The following GRID2 variants were observed in gnomAD, a reference collection of about 807,000 sequenced individuals.
The protein encoded by GRID2 is glutamate receptor ionotropic, delta-2.
A neutral mutation model predicts 114.8 loss-of-function variants in GRID2; 33 were observed. That is an observed-to-expected ratio of 0.29 (90% CI 0.22 to 0.38). The LOEUF is 0.38. GRID2 is among the 10% of genes least tolerant of loss of function. GRID2 has a pLI of 1.00. For synonymous variants in GRID2, 505 were observed against 449.9 expected, an observed-to-expected ratio of 1.12 and a Z score of -1.55; for missense variants, 1,184 against 1,257.7, an observed-to-expected ratio of 0.94 and a Z score of 0.89.
intron 2 of GRID2, among the ~76,000 whole-genome samples, chr4:92,636,018 A>T (rs1731047354): frequency 6.6e-6 from 1 of 152,062 alleles, no homozygotes; most frequent in South Asian, 2.1e-4. Flanking sequence ...ATAAATCATA[A>T]ATTGGACAGG....
chr4:93,163,610 AAAG>A lies in GRID2; in HGVS notation c.736-43792_736-43790del, dbSNP rs562665667. Among the ~76,000 whole-genome samples, 354 of 151,114 alleles carry A rather than the reference AAAG, an allele frequency of 2.3e-3. 1 individual carries two copies. Among genetic ancestry groups the A allele is most frequent in the African/African-American group, 8.1e-3 (334 of 41,264 alleles). On this transcript the variant is annotated intron_variant, in intron 4 of 15. Transcript: ENST00000282020. Reference sequence around the variant, plus strand: ...GAAAAAAATTTAGCAGAATTTAAAAAAAGAGAAGTAGTTCAAAATAGACATTTC... The same window carrying A: ...GAAAAAAATTTAGCAGAATTTAAAAAAGAAGTAGTTCAAAATAGACATTTC...
intron 2 of GRID2, among the ~76,000 whole-genome samples, chr4:92,600,089 T>TATAG (rs1729154849): frequency 7.4e-6 from 1 of 134,758 alleles, no homozygotes; most frequent in Non-Finnish European, 1.6e-5. Context: ...TATATATATA[T>TATAG]TTCTCAGAAT....
intron 2 of GRID2, among the ~76,000 whole-genome samples, chr4:93,082,129 C>G (rs533749768): frequency 1.2e-4 from 18 of 152,270 alleles, no homozygotes; most frequent in African/African-American, 4.3e-4. Flanking sequence ...GAGGCCCGTT[C>G]TTATATGTGC....
intron 1 of GRID2, among the ~76,000 whole-genome samples, chr4:92,452,317 A>C (rs1046679323): frequency 4.6e-5 from 7 of 151,414 alleles, no homozygotes; most frequent in African/African-American, 1.7e-4. Flanking sequence ...AAATCTGTTT[A>C]GATTTTTTTT....
intron 1 of GRID2, among the ~76,000 whole-genome samples, chr4:92,498,951 T>G (rs1029230366): frequency 2.0e-5 from 3 of 147,020 alleles, no homozygotes; most frequent in Non-Finnish European, 4.5e-5. Flanking sequence ...AAAAACAAGT[T>G]AGAAGAACTG....
At chr4:92,420,507 T>C (rs1280674610) in intron 1 of GRID2, among the ~76,000 whole-genome samples, 2 of 152,132 alleles carry the variant, frequency 1.3e-5, no homozygotes, top group African/African-American at 4.8e-5. Context: ...ATAAGACAAA[T>C]CATATTTTTG....
chr4:93,031,981 A>G (rs746555624), intron 2 of GRID2, among the ~76,000 whole-genome samples: 52 of 152,150 alleles, frequency 3.4e-4, no homozygotes, highest in Admixed American at 2.6e-4. Flanking sequence ...AAGCATTATA[A>G]ACAGACTAAC....
At chr4:92,995,046 A>T (rs1755116455) in intron 2 of GRID2, among the ~76,000 whole-genome samples, 1 of 152,182 alleles carries the variant, frequency 6.6e-6, no homozygotes, top group Non-Finnish European at 1.5e-5. Flanking sequence ...TCCTTGGAGG[A>T]ATAAAAGGTT....
Position 92,610,885 on chromosome 4 carries a change from A to T in GRID2, c.244+20599A>T, listed in dbSNP as rs905245375. The stretch of plus-strand genomic sequence containing the variant: ...TATCTATGTTGTAGCAAGTGACAAG[A>T]TTTTTTTCTTTTAATGATGAATAGT... On this transcript the variant is annotated intron_variant, in intron 2 of 15. Transcript: ENST00000282020. 2.0e-5 allele frequency among the ~76,000 whole-genome samples: 3 copies of T among 151,582 alleles called. No individual in the cohort carries two copies. In the East Asian group the frequency reaches 5.8e-4, roughly 29 times the overall value.
chr4:92,704,937 A>T (rs749554411), intron 2 of GRID2, among the ~76,000 whole-genome samples: 4 of 152,128 alleles, frequency 2.6e-5, no homozygotes, highest in Non-Finnish European at 5.9e-5. Context: ...CTATATCTTA[A>T]TTATTCTATA....
At chr4:93,407,795 C>T (rs1201018886) in intron 9 of GRID2, among the ~76,000 whole-genome samples, 39 of 120,998 alleles carry the variant, frequency 3.2e-4, no homozygotes, top group African/African-American at 1.4e-3. Flanking sequence ...TCGTCCTCCT[C>T]CTCGTCCTCC....
chr4:92,309,326 C>T (rs959551155), intron 1 of GRID2, among the ~76,000 whole-genome samples: 2 of 151,998 alleles, frequency 1.3e-5, no homozygotes, highest in East Asian at 3.9e-4. Context: ...CCTACACCTA[C>T]GTATATGACT....
At chr4:93,706,077 C>T (rs553201620) in intron 14 of GRID2, among the ~76,000 whole-genome samples, 3 of 152,296 alleles carry the variant, frequency 2.0e-5, no homozygotes, top group African/African-American at 7.2e-5. Flanking sequence ...GTTTTGATCA[C>T]TATAGCTCTG....
rs1449282942 is a variant in GRID2 at position 92,510,858 on chromosome 4, T to TGA, written c.89-79273_89-79272insGA. On this transcript the variant is annotated intron_variant, in intron 1 of 15. Coordinates refer to ENST00000282020, the MANE Select transcript of GRID2 (RefSeq NM_001510.4). ...ATATGTACAATTACAATGTGTCAAT[T>TGA]AAAAAAAAAAAAACAGTGGCAATAA... 4.1e-3 allele frequency among the ~76,000 whole-genome samples: 593 copies of TGA among 144,078 alleles called. 4 individuals carry two copies. Among genetic ancestry groups the TGA allele is most frequent in the South Asian group, 0.03 (139 of 4,590 alleles). 94.5% of individuals were successfully genotyped at this position (144,078 alleles called of 152,430 possible). A position where few individuals can be genotyped will look rare whatever the true frequency, so the allele number is the denominator to read the frequency against.
chr4:93,723,122 T>G (rs1578660395), intron 14 of GRID2, among the ~76,000 whole-genome samples: 1 of 152,210 alleles, frequency 6.6e-6, no homozygotes, highest in Non-Finnish European at 1.5e-5. Flanking sequence ...CATCCTCCAC[T>G]TAGCCCCTAC....
At chr4:93,420,387 C>A (rs967417641) in intron 9 of GRID2, among the ~76,000 whole-genome samples, 9 of 152,164 alleles carry the variant, frequency 5.9e-5, no homozygotes, top group African/African-American at 1.9e-4. Flanking sequence ...AAGGCGTAAT[C>A]ATTGGCTAGC....
intron 2 of GRID2, among the ~76,000 whole-genome samples, chr4:92,940,758 T>C (rs1560724124): frequency 1.3e-5 from 2 of 152,158 alleles, no homozygotes; most frequent in African/African-American, 4.8e-5. Context: ...ACCTAATTTA[T>C]TGAGAGTTTT....
At chr4:93,402,832 A>G (rs2149340885) in intron 9 of GRID2, among the ~76,000 whole-genome samples, 1 of 152,248 alleles carries the variant, frequency 6.6e-6, no homozygotes, top group African/African-American at 2.4e-5. Context: ...CTATATTTTA[A>G]TATATAACTA....
intron 1 of GRID2, among the ~76,000 whole-genome samples, chr4:92,420,365 A>G (rs527403098): frequency 6.6e-6 from 1 of 152,272 alleles, no homozygotes; most frequent in Admixed American, 6.5e-5. Flanking sequence ...AATTTATAGA[A>G]TCAAATAACT....
Sources: gnomAD v4.1 joint callset for allele counts (sites outside exome capture counted in the v4.1 genomes callset) on GRCh38, gnomAD v4.1.1 for gene constraint, MANE v1.5 for transcripts, NCBI Gene and HGNC (gene_info 2026-07-23, HGNC 2026-07-21) for gene names.